Variants in RGS6 observed in about 807,000 individuals in gnomAD.
The protein encoded by RGS6 is regulator of G-protein signaling 6.
In RGS6, 30 loss-of-function variants were observed where a neutral mutation model predicts 78.5. The observed-to-expected ratio is 0.38, with a 90% confidence interval of 0.29 to 0.52. The LOEUF (loss-of-function observed/expected upper bound fraction) is 0.52. Ranked by LOEUF, RGS6 falls within the 20% of genes least tolerant of loss-of-function variation. The probability of loss-of-function intolerance (pLI) is 0.85; values close to 1 mark genes in which losing one functional copy is unlikely to be tolerated. For missense variants in RGS6, 495 were observed against 609.7 expected (o/e 0.81, Z 1.98); for synonymous variants, 206 against 206.0 (o/e 1.00, Z 0.00).
At chr14:72,085,531 A>G (rs369295015) in intron 2 of RGS6, among the ~76,000 whole-genome samples, 1 of 151,998 alleles carries the variant, frequency 6.6e-6, no homozygotes, top group East Asian at 1.9e-4. Flanking sequence ...GAGTGTAGAA[A>G]TTGGGGCTGT....
chr14:72,555,483 C>CTTAAG (rs1555472612), intron 17 of RGS6, among the ~76,000 whole-genome samples: 4 of 152,222 alleles, frequency 2.6e-5, no homozygotes, highest in Admixed American at 6.5e-5. Context: ...TGCTCAAGAA[C>CTTAAG]TTAAGTTCTT....
chr14:72,126,492 T>C (rs2096195941), intron 2 of RGS6, among the ~76,000 whole-genome samples: 1 of 152,282 alleles, frequency 6.6e-6, no homozygotes, highest in Non-Finnish European at 1.5e-5. Flanking sequence ...GGGTTCCCTC[T>C]GCTCACATAG....
chr14:72,161,347 C>A (rs995743945), intron 2 of RGS6, among the ~76,000 whole-genome samples: 1 of 152,078 alleles, frequency 6.6e-6, no homozygotes, highest in African/African-American at 2.4e-5. Flanking sequence ...AAGAAACCTG[C>A]ATGTTCTGCA....
chr14:72,078,523 C>T (rs1462077877), intron 2 of RGS6, among the ~76,000 whole-genome samples: 1 of 152,160 alleles, frequency 6.6e-6, no homozygotes, highest in East Asian at 1.9e-4. Flanking sequence ...AAGTGATTCT[C>T]CCGCCTCAGC....
chr14:72,355,829 G>C (rs1339381437), intron 3 of RGS6, among the ~76,000 whole-genome samples: 1 of 152,208 alleles, frequency 6.6e-6, no homozygotes, highest in East Asian at 1.9e-4. Context: ...TTGAGGGAGA[G>C]AGCATGCCAG....
chr14:72,560,797 C>CGTGTGTGTGT lies in RGS6; in HGVS notation c.1423-1587_1423-1578dup, dbSNP rs57504072. ...GTTGCTGATGGGGTGATTTTGTGGA[C>CGTGTGTGTGT]GTGTGTGTGTGTGTGTGTGTGTGTG... On this transcript the variant is annotated intron_variant, in intron 17 of 17. Transcript: ENST00000553525. Among the ~76,000 whole-genome samples the CGTGTGTGTGT allele has an allele frequency of 2.0e-3, 281 of 141,322 alleles. 1 individual carries two copies. The highest frequency in any genetic ancestry group is 4.5e-3 in the Admixed American group (63 of 14,036). The allele number at this position is 141,322 out of a possible 152,430, so 92.7% of individuals were successfully genotyped here. A position where few individuals can be genotyped will look rare whatever the true frequency, so the allele number is the denominator to read the frequency against.
At chr14:72,559,175 G>A (rs1036411217) in intron 17 of RGS6, among the ~76,000 whole-genome samples, 1 of 152,236 alleles carries the variant, frequency 6.6e-6, no homozygotes, top group African/African-American at 2.4e-5. Context: ...GCCCTGGAGG[G>A]TACAGGCAGG....
intron 2 of RGS6, among the ~76,000 whole-genome samples, chr14:72,162,149 A>T (rs2096861502): frequency 6.6e-6 from 1 of 151,720 alleles, no homozygotes; most frequent in Non-Finnish European, 1.5e-5. Flanking sequence ...TTGCTCATTT[A>T]CATTAACTAG....
At chr14:71,899,154 A>G in the RGS6 span, among the ~76,000 whole-genome samples, 1 of 152,186 alleles carries the variant, frequency 6.6e-6, no homozygotes, top group African/African-American at 2.4e-5. Context: ...AAATATTTAA[A>G]AACCACACAG....
At chr14:71,963,127 G>T (rs1269870869) in intron 1 of RGS6, among the ~76,000 whole-genome samples, 1 of 152,152 alleles carries the variant, frequency 6.6e-6, no homozygotes, top group African/African-American at 2.4e-5. Flanking sequence ...GTAGAGGAAG[G>T]TGCCTTGGCA....
At chr14:71,949,261 C>T (rs1001575511) in intron 1 of RGS6, among the ~76,000 whole-genome samples, 1 of 152,146 alleles carries the variant, frequency 6.6e-6, no homozygotes, top group Non-Finnish European at 1.5e-5. Context: ...TCTTAAGTGG[C>T]TGCACCAATT....
chr14:71,914,971 G>A, the RGS6 span, among the ~76,000 whole-genome samples: 5 of 151,842 alleles, frequency 3.3e-5, no homozygotes, highest in African/African-American at 7.3e-5. Context: ...GATTCAACTC[G>A]GGGTGGTGGC....
chr14:72,549,022 G>A (rs554393121), intron 17 of RGS6, among the ~76,000 whole-genome samples: 1 of 152,126 alleles, frequency 6.6e-6, no homozygotes, highest in African/African-American at 2.4e-5. Flanking sequence ...AAATGGATCC[G>A]ACTGCATTTC....
chr14:72,198,316 G>T (rs891418325), intron 2 of RGS6, among the ~76,000 whole-genome samples: 1 of 152,204 alleles, frequency 6.6e-6, no homozygotes, highest in Non-Finnish European at 1.5e-5. Flanking sequence ...TTATGCCACT[G>T]CACTCCAGCC....
Position 72,304,057 on chromosome 14 carries a change from A to G in RGS6, c.85-48038A>G, listed in dbSNP as rs115538845. 7.0e-3 allele frequency among the ~76,000 whole-genome samples: 1,068 copies of G among 152,318 alleles called. 11 individuals are homozygous for G. The highest frequency in any genetic ancestry group is 0.024 in the African/African-American group (994 of 41,568). On this transcript the variant is annotated intron_variant, in intron 2 of 17. Transcript: ENST00000553525. ...ACAGGTTTCACCTCCCGGCCAGCCCATGACATTAGTCACATCCTCCTGTAG... is the reference window on the plus strand; with the variant it reads ...ACAGGTTTCACCTCCCGGCCAGCCCGTGACATTAGTCACATCCTCCTGTAG...
rs541017532 is a variant in RGS6, at chr14:72,513,202, A to G, written c.1091+2923A>G. 2.0e-5 allele frequency among the ~76,000 whole-genome samples: 3 copies of G among 152,350 alleles called. No individual in the cohort carries two copies. In the East Asian group the frequency reaches 5.8e-4, roughly 29 times the overall value. On this transcript the variant is annotated intron_variant, in intron 14 of 17. Transcript: ENST00000553525. Reference sequence around the variant, plus strand: ...GCTGCTTAGATCATAACATTCTTGCACAACCCACGGGGTGCCAGTTAAGTA... The same window carrying G: ...GCTGCTTAGATCATAACATTCTTGCGCAACCCACGGGGTGCCAGTTAAGTA...
chr14:72,582,342 G>A, the RGS6 span, among the ~76,000 whole-genome samples: 2 of 152,156 alleles, frequency 1.3e-5, no homozygotes, highest in South Asian at 2.1e-4. Context: ...ACAGGGCAAG[G>A]ATGCTGTTGT....
At chr14:72,251,063 T>C (rs996705721) in intron 2 of RGS6, among the ~76,000 whole-genome samples, 18 of 152,168 alleles carry the variant, frequency 1.2e-4, no homozygotes, top group Admixed American at 4.6e-4. Flanking sequence ...ATGCATGAAA[T>C]TGAGGGTTAG....
the RGS6 span, among the ~76,000 whole-genome samples, chr14:71,885,871 A>G: frequency 2.0e-4 from 30 of 151,824 alleles, no homozygotes; most frequent in Admixed American, 1.8e-3. Flanking sequence ...TACTAGTGAG[A>G]TAAAATTCTT....
Sources: gnomAD v4.1 joint callset for allele counts (sites outside exome capture counted in the v4.1 genomes callset) on GRCh38, gnomAD v4.1.1 for gene constraint, MANE v1.5 for transcripts, NCBI Gene and HGNC (gene_info 2026-07-23, HGNC 2026-07-21) for gene names.